Variants in ZNF536 observed in about 807,000 individuals in gnomAD.
The protein encoded by ZNF536 is zinc finger protein 536.
ZNF536 carries 13 observed loss-of-function variants against 84.5 expected under a neutral mutation model. That is an observed-to-expected ratio of 0.15 (90% CI 0.10 to 0.24). The LOEUF is 0.24. Ranked by LOEUF, ZNF536 falls within the 10% of genes least tolerant of loss-of-function variation. ZNF536 has a pLI of 1.00. For synonymous variants in ZNF536, 811 were observed against 742.5 expected, an observed-to-expected ratio of 1.09 and a Z score of -1.50; for missense variants, 1,536 against 1,747.5, an observed-to-expected ratio of 0.88 and a Z score of 2.16.
At chr19:30,658,580 T>G (rs2050006357) in intron 1 of ZNF536, among the ~76,000 whole-genome samples, 1 of 152,312 alleles carries the variant, frequency 6.6e-6, no homozygotes, top group Admixed American at 6.5e-5. Context: ...TGGCTTTGCC[T>G]GGCCAACTTT....
intron 1 of ZNF536, among the ~76,000 whole-genome samples, chr19:30,433,804 G>T (rs1391391848): frequency 6.6e-6 from 1 of 152,172 alleles, no homozygotes; most frequent in Non-Finnish European, 1.5e-5. Context: ...GCCAACAGGA[G>T]CATTTTTATT....
chr19:30,631,736 G>T (rs562744429), intron 1 of ZNF536, among the ~76,000 whole-genome samples: 4 of 152,186 alleles, frequency 2.6e-5, no homozygotes, highest in Non-Finnish European at 5.9e-5. Context: ...TCCTGAGGCC[G>T]ACTGCTTCTG....
intron 2 of ZNF536, among the ~76,000 whole-genome samples, chr19:30,528,035 A>G (rs2044663656): frequency 6.6e-6 from 1 of 152,208 alleles, no homozygotes; most frequent in Non-Finnish European, 1.5e-5. Flanking sequence ...TACTTGCAGA[A>G]TTAACTGACA....
At chr19:30,550,937 C>T (rs2045754061) in intron 4 of ZNF536, among the ~76,000 whole-genome samples, 1 of 152,096 alleles carries the variant, frequency 6.6e-6, no homozygotes, top group Admixed American at 6.5e-5. Flanking sequence ...TTTTTAGCCA[C>T]ATACAATTCA....
chr19:30,345,920 G>C (rs186963933), intron 2 of ZNF536, among the ~76,000 whole-genome samples: 1 of 152,204 alleles, frequency 6.6e-6, no homozygotes, highest in Admixed American at 6.5e-5. Flanking sequence ...TCAGTCGGGA[G>C]GGCTGGAGAG....
At chr19:30,279,498 AAG>A (rs1273559426) in intron 1 of ZNF536, among the ~76,000 whole-genome samples, 1 of 152,192 alleles carries the variant, frequency 6.6e-6, no homozygotes, top group East Asian at 1.9e-4. Context: ...TTGTCTGAGA[AAG>A]AGAGAATCAC....
intron 3 of ZNF536, among the ~76,000 whole-genome samples, chr19:30,360,260 A>G (rs560784094): frequency 6.6e-6 from 1 of 152,244 alleles, no homozygotes; most frequent in Admixed American, 6.5e-5. Flanking sequence ...GGCTCCCTTG[A>G]TTTCTGTACT....
chr19:30,343,579 C>T (rs1024451943), intron 2 of ZNF536, among the ~76,000 whole-genome samples: 8 of 152,096 alleles, frequency 5.3e-5, no homozygotes, highest in Non-Finnish European at 1.2e-4. Context: ...CTGGTAGTCC[C>T]TGGAGAACCC....
chr19:30,234,966 C>T (rs953660284), intron 1 of ZNF536, among the ~76,000 whole-genome samples: 1 of 152,238 alleles, frequency 6.6e-6, no homozygotes, highest in African/African-American at 2.4e-5. Context: ...GATCGTAGGA[C>T]CCTCGGGAGG....
Position 30,557,245 on chromosome 19 carries a change from GT to G in ZNF536, c.*82del. On this transcript the variant is annotated 3_prime_UTR_variant, in exon 5 of 5. Transcript: ENST00000355537. ...GGTGGTTATCTGCAGCTTGTTAATCGTGTAAAGTCAAGAGAAGAATGTATAC... is the reference window on the plus strand; with the variant it reads ...GGTGGTTATCTGCAGCTTGTTAATCGGTAAAGTCAAGAGAAGAATGTATAC... The G allele has an allele frequency of 6.6e-7, 1 of 1,508,386 alleles. No individual in the cohort carries two copies. The highest frequency in any genetic ancestry group is 1.1e-5 in the South Asian group (1 of 87,820). The allele number at this position is 1,508,386 out of a possible 1,614,324, so 93.4% of individuals were successfully genotyped here. A position where few individuals can be genotyped will look rare whatever the true frequency, so the allele number is the denominator to read the frequency against.
At chr19:30,604,449 A>G (rs1019046639) in intron 1 of ZNF536, among the ~76,000 whole-genome samples, 1 of 152,110 alleles carries the variant, frequency 6.6e-6, no homozygotes, top group African/African-American at 2.4e-5. Flanking sequence ...TATGTTTATA[A>G]TATGTTTTCA....
intron 1 of ZNF536, among the ~76,000 whole-genome samples, chr19:30,403,023 C>T (rs2050118664): frequency 6.6e-6 from 1 of 151,908 alleles, no homozygotes; most frequent in Non-Finnish European, 1.5e-5. Context: ...CCCTGGCCCC[C>T]TGGTAGGAAT....
intron 1 of ZNF536, among the ~76,000 whole-genome samples, chr19:30,695,024 C>T (rs1192828478): frequency 2.0e-5 from 3 of 152,198 alleles, no homozygotes; most frequent in African/African-American, 4.8e-5. Flanking sequence ...TCTCCACCAA[C>T]GTGGAGAATG....
intron 1 of ZNF536, among the ~76,000 whole-genome samples, chr19:30,579,426 G>A (rs1195873008): frequency 6.6e-6 from 1 of 152,172 alleles, no homozygotes; most frequent in Non-Finnish European, 1.5e-5. Context: ...AGGATGGCTG[G>A]TCTAGGATGG....
At chr19:30,533,010 T>C (rs1599717393) in intron 2 of ZNF536, among the ~76,000 whole-genome samples, 1 of 152,170 alleles carries the variant, frequency 6.6e-6, no homozygotes, top group East Asian at 1.9e-4. Context: ...ACTTCCTACT[T>C]GTGCAAAATT....
intron 1 of ZNF536, among the ~76,000 whole-genome samples, chr19:30,708,347 C>T (rs1013222463): frequency 6.6e-6 from 1 of 152,172 alleles, no homozygotes; most frequent in Admixed American, 6.5e-5. Flanking sequence ...GTGCAGAGAC[C>T]ATCTGAGGTT....
intron 1 of ZNF536, among the ~76,000 whole-genome samples, chr19:30,606,621 T>C (rs1315638965): frequency 6.6e-6 from 1 of 152,176 alleles, no homozygotes; most frequent in Non-Finnish European, 1.5e-5. Flanking sequence ...GTGACCACAG[T>C]TCCATCATGA....
intron 2 of ZNF536, among the ~76,000 whole-genome samples, chr19:30,464,845 C>T (rs1262699334): frequency 6.6e-6 from 1 of 151,982 alleles, no homozygotes; most frequent in Non-Finnish European, 1.5e-5. Flanking sequence ...AGTTCCTTAC[C>T]AGGAAGCACA....
intron 1 of ZNF536, among the ~76,000 whole-genome samples, chr19:30,596,262 G>A (rs1335193273): frequency 6.6e-6 from 1 of 151,202 alleles, no homozygotes; most frequent in Non-Finnish European, 1.5e-5. Context: ...GAGAGAGGGA[G>A]AGGGGAAAAA....
Sources: gnomAD v4.1 joint callset for allele counts (sites outside exome capture counted in the v4.1 genomes callset) on GRCh38, gnomAD v4.1.1 for gene constraint, MANE v1.5 for transcripts, NCBI Gene and HGNC (gene_info 2026-07-23, HGNC 2026-07-21) for gene names.